SP4: variants seen among roughly 807,000 people sequenced by gnomAD.
SP4 encodes Sp4 transcription factor.
SP4 carries 19 observed loss-of-function variants against 72.8 expected under a neutral mutation model. The ratio of observed to expected loss-of-function variants is 0.26; its 90% CI spans 0.18 to 0.38. The LOEUF (loss-of-function observed/expected upper bound fraction) is 0.38, where lower values mean the gene tolerates loss of function less well. SP4 is among the 10% of genes least tolerant of loss of function. The pLI is 1.00. For synonymous variants in SP4, 395 were observed against 333.1 expected, an observed-to-expected ratio of 1.19 and a Z score of -2.02; for missense variants, 1,008 against 926.3, an observed-to-expected ratio of 1.09 and a Z score of -1.14.
chr7:21,485,835 A>G (rs1035553066), intron 5 of SP4, among the ~76,000 whole-genome samples: 2 of 151,944 alleles, frequency 1.3e-5, no homozygotes, highest in Non-Finnish European at 2.9e-5. Context: ...CCATCTTTCT[A>G]ATGAACATGA....
At chr7:21,487,113 G>T (rs539589429) in intron 5 of SP4, among the ~76,000 whole-genome samples, 9 of 152,068 alleles carry the variant, frequency 5.9e-5, no homozygotes, top group Admixed American at 2.0e-4. Flanking sequence ...TGTTCTTTGG[G>T]TTATAATTCA....
Position 21,428,202 on chromosome 7 carries a change from C to CCCCCCCTCT in SP4, c.-49_-48insCCCCCTCTC. The CCCCCCCTCT allele has an allele frequency of 8.3e-7, 1 of 1,206,790 alleles. No homozygotes were observed. Among genetic ancestry groups the CCCCCCCTCT allele is most frequent in the Admixed American group, 2.1e-5 (1 of 48,050 alleles). The allele number at this position is 1,206,790 out of a possible 1,614,324, so 74.8% of individuals were successfully genotyped here. On this transcript the variant is annotated 5_prime_UTR_variant, in exon 1 of 6. Transcript: ENST00000222584. ...CCTCCCGCCTCGCCCCCACCCCCAC[C>CCCCCCCTCT]CACCTCTATCCCAGTGTCTCCGTCT...
At chr7:21,499,560 C>G (rs1016667066) in intron 5 of SP4, among the ~76,000 whole-genome samples, 1 of 152,158 alleles carries the variant, frequency 6.6e-6, no homozygotes, top group Non-Finnish European at 1.5e-5. Context: ...CAAGAAAGGA[C>G]TCTTCTCTAG....
At chr7:21,436,221 G>A (rs1783046576) in intron 3 of SP4, among the ~76,000 whole-genome samples, 1 of 152,080 alleles carries the variant, frequency 6.6e-6, no homozygotes, top group Admixed American at 6.6e-5. Flanking sequence ...TTAATCATCT[G>A]CTTTTCAAAT....
intron 4 of SP4, among the ~76,000 whole-genome samples, chr7:21,480,113 T>C (rs1379392033): frequency 6.6e-6 from 1 of 152,166 alleles, no homozygotes; most frequent in African/African-American, 2.4e-5. Context: ...CTGTTTCTTT[T>C]TCTTGCTTAG....
chr7:21,504,879 A>G (rs1385176703), intron 5 of SP4, among the ~76,000 whole-genome samples: 1 of 152,118 alleles, frequency 6.6e-6, no homozygotes, highest in African/African-American at 2.4e-5. Context: ...CACCCCTGAG[A>G]GACAGGATCG....
At chr7:21,460,613 A>G (rs957754877) in intron 3 of SP4, among the ~76,000 whole-genome samples, 5 of 152,160 alleles carry the variant, frequency 3.3e-5, no homozygotes, top group African/African-American at 7.2e-5. Flanking sequence ...GGCCCCACCC[A>G]CATCCTGCTG....
At chr7:21,452,495 A>G (rs1783631235) in intron 3 of SP4, among the ~76,000 whole-genome samples, 1 of 152,172 alleles carries the variant, frequency 6.6e-6, no homozygotes, top group Non-Finnish European at 1.5e-5. Context: ...AATCCTGTAC[A>G]GGGACTGTGT....
At chr7:21,497,872 T>C (rs1781762585) in intron 5 of SP4, among the ~76,000 whole-genome samples, 1 of 152,214 alleles carries the variant, frequency 6.6e-6, no homozygotes, top group African/African-American at 2.4e-5. Flanking sequence ...AAATCACTCA[T>C]TATGCAGATT....
chr7:21,429,072 A>C (rs939926797), intron 2 of SP4, among the ~76,000 whole-genome samples: 1 of 152,186 alleles, frequency 6.6e-6, no homozygotes, highest in Admixed American at 6.5e-5. Context: ...AGTTGTAAAG[A>C]AATTTCCTTT....
At chr7:21,441,152 CT>C (rs886306401) in intron 3 of SP4, among the ~76,000 whole-genome samples, 15 of 152,220 alleles carry the variant, frequency 9.9e-5, no homozygotes, top group Admixed American at 9.8e-4. Context: ...ACAAGAAAGG[CT>C]TTTTCTGGTG....
intron 5 of SP4, among the ~76,000 whole-genome samples, chr7:21,488,313 A>G (rs1332246254): frequency 2.6e-5 from 4 of 152,086 alleles, no homozygotes; most frequent in Non-Finnish European, 1.5e-5. Context: ...ATTTTTTGAT[A>G]GTAGTTATAG....
Position 21,469,627 on chromosome 7 carries a change from C to T in SP4, c.1679-7452C>T, listed in dbSNP as rs527245785. Among the ~76,000 whole-genome samples the T allele has an allele frequency of 3.4e-4, 52 of 151,106 alleles. 1 individual carries two copies. Among genetic ancestry groups the T allele is most frequent in the African/African-American group, 1.2e-3 (51 of 41,118 alleles). ...TGAGATCTCCACTCACTGCAACCTC[C>T]GCCTCCCGGATCCAAGTGATTCTCT... is the stretch of plus-strand genomic sequence containing the variant. On this transcript the variant is annotated intron_variant, in intron 3 of 5. Coordinates refer to ENST00000222584, the MANE Select transcript of SP4 (RefSeq NM_003112.5).
intron 5 of SP4, among the ~76,000 whole-genome samples, chr7:21,502,526 A>G (rs541642220): frequency 6.6e-6 from 1 of 152,180 alleles, no homozygotes; most frequent in East Asian, 1.9e-4. Context: ...ACATTACTTC[A>G]GGATCAGTAT....
At chr7:21,499,720 T>G (rs1781817712) in intron 5 of SP4, among the ~76,000 whole-genome samples, 1 of 152,210 alleles carries the variant, frequency 6.6e-6, no homozygotes, top group African/African-American at 2.4e-5. Flanking sequence ...ATTACCTTAA[T>G]TTGCTCTTGA....
intron 5 of SP4, 24 bp downstream of exon 5, chr7:21,482,147 C>T (rs186471699): frequency 1.3e-6 from 2 of 1,558,762 alleles, no homozygotes; most frequent in African/African-American, 2.7e-5. Context: ...AGGACTTGTA[C>T]TTTTTACTTA....
In SP4 at chr7:21,513,035, T is replaced by C. The variant is rs536612844; in HGVS notation, c.*1766T>C. ...AAACTAAAAGTTTTTACCTACCTGC[T>C]CAATTTATTAACATCATTGCTTTGG... is the stretch of plus-strand genomic sequence containing the variant. On this transcript the variant is annotated 3_prime_UTR_variant, in exon 6 of 6. Transcript: ENST00000222584. 1 of 152,678 alleles carries C rather than the reference T, an allele frequency of 6.5e-6. No individual in the cohort carries two copies. Among genetic ancestry groups the C allele is most frequent in the Non-Finnish European group, 1.5e-5 (1 of 68,044 alleles). 9.5% of individuals were successfully genotyped at this position (152,678 alleles called of 1,614,324 possible).
intron 3 of SP4, among the ~76,000 whole-genome samples, chr7:21,461,884 A>G (rs1314742171): frequency 1.3e-5 from 2 of 152,188 alleles, no homozygotes; most frequent in Non-Finnish European, 2.9e-5. Flanking sequence ...AATGTTAGAA[A>G]ATGAAGTTCA....
At chr7:21,484,802 A>G (rs1784770430) in intron 5 of SP4, among the ~76,000 whole-genome samples, 3 of 151,912 alleles carry the variant, frequency 2.0e-5, no homozygotes, top group Admixed American at 2.0e-4. Flanking sequence ...ATGAGTTGGT[A>G]AAGTCCCTCT....
Sources: allele counts gnomAD v4.1 joint callset (sites outside exome capture counted in the v4.1 genomes callset), GRCh38; gene constraint gnomAD v4.1.1; transcripts MANE v1.5; gene names NCBI Gene and HGNC (gene_info 2026-07-23, HGNC 2026-07-21).